GRXCR1: variants seen among roughly 807,000 people sequenced by gnomAD.
The protein encoded by GRXCR1 is glutaredoxin domain-containing cysteine-rich protein 1.
Under a neutral mutation model 27.3 loss-of-function variants are expected in GRXCR1, and 27 were observed. The observed-to-expected ratio is 0.99, with a 90% CI of 0.73 to 1.37. The LOEUF (loss-of-function observed/expected upper bound fraction) is 1.37. GRXCR1 is among the 40% of genes most tolerant of loss of function. The pLI is 0.00. For synonymous variants in GRXCR1, 122 were observed against 131.1 expected (o/e 0.93, Z 0.47); for missense variants, 379 against 354.4 (o/e 1.07, Z -0.56).
At chr4:42,961,517 T>C (rs1247687725) in intron 1 of GRXCR1, among the ~76,000 whole-genome samples, 1 of 151,986 alleles carries the variant, frequency 6.6e-6, no homozygotes, top group Non-Finnish European at 1.5e-5. Flanking sequence ...AACAATTGCC[T>C]AATCTGTGTA....
At chr4:42,905,803 C>T (rs1291500267) in intron 1 of GRXCR1, among the ~76,000 whole-genome samples, 3 of 152,140 alleles carry the variant, frequency 2.0e-5, no homozygotes, top group Admixed American at 2.0e-4. Context: ...TGTGATCGTT[C>T]CTTGTCATTG....
chr4:42,944,955 A>G (rs1747707630), intron 1 of GRXCR1, among the ~76,000 whole-genome samples: 1 of 152,050 alleles, frequency 6.6e-6, no homozygotes, highest in Non-Finnish European at 1.5e-5. Context: ...ATGTTTGTAC[A>G]CTCTCAAAAT....
chr4:43,019,161 T>C (rs969898743), intron 2 of GRXCR1, among the ~76,000 whole-genome samples: 2 of 152,190 alleles, frequency 1.3e-5, no homozygotes, highest in Admixed American at 1.3e-4. Context: ...CAGAAAGCCT[T>C]CTCTACTCTC....
chr4:42,983,191 C>T (rs1394753336), intron 2 of GRXCR1, among the ~76,000 whole-genome samples: 2 of 150,964 alleles, frequency 1.3e-5, no homozygotes, highest in Non-Finnish European at 3.0e-5. Context: ...GGTTTTAGGT[C>T]TAACGTTGAA....
intron 2 of GRXCR1, among the ~76,000 whole-genome samples, chr4:42,987,002 ATGTG>A (rs36224914): frequency 0.013 from 1,771 of 140,846 alleles, 20 homozygotes; most frequent in African/African-American, 0.028. Flanking sequence ...AGATATGTGT[ATGTG>A]TGTGTGTGTG....
chr4:42,964,726 T>C (rs181533796), intron 2 of GRXCR1, among the ~76,000 whole-genome samples: 2 of 152,118 alleles, frequency 1.3e-5, no homozygotes, highest in East Asian at 3.9e-4. Context: ...GCTGGTATAG[T>C]TTTAGGACCA....
chr4:42,895,653 A>C (rs1044981524), intron 1 of GRXCR1, among the ~76,000 whole-genome samples: 12 of 152,104 alleles, frequency 7.9e-5, no homozygotes, highest in African/African-American at 2.9e-4. Flanking sequence ...GTACCCCTTA[A>C]AGTTGTGCAA....
chr4:42,949,823 C>A (rs1427640497), intron 1 of GRXCR1, among the ~76,000 whole-genome samples: 3 of 152,110 alleles, frequency 2.0e-5, no homozygotes, highest in African/African-American at 7.2e-5. Flanking sequence ...GGGGGTTTCC[C>A]TGAGGCTGTG....
intron 1 of GRXCR1, among the ~76,000 whole-genome samples, chr4:42,952,156 A>G (rs971718532): frequency 6.6e-6 from 1 of 152,136 alleles, no homozygotes; most frequent in African/African-American, 2.4e-5. Flanking sequence ...ATTGTTTTTC[A>G]TGATCAGAAT....
intron 2 of GRXCR1, among the ~76,000 whole-genome samples, chr4:42,982,030 C>T (rs950882116): frequency 6.6e-6 from 1 of 150,770 alleles, no homozygotes; most frequent in Non-Finnish European, 1.5e-5. Context: ...AGAGGCTTTC[C>T]ACCCCTTTGT....
chr4:43,014,056 A>C (rs1336641072), intron 2 of GRXCR1, among the ~76,000 whole-genome samples: 5 of 35,206 alleles, frequency 1.4e-4, no homozygotes, highest in Admixed American at 8.3e-4. Context: ...CATAATTGCA[A>C]AAAAAAAAAA....
intron 1 of GRXCR1, among the ~76,000 whole-genome samples, chr4:42,902,316 G>A (rs150743382): frequency 2.1e-3 from 313 of 152,256 alleles, no homozygotes; most frequent in Middle Eastern, 3.4e-3. Context: ...TGATGCGAGA[G>A]TGGTTGTGAT....
At chr4:43,010,905 C>G (rs1712729717) in intron 2 of GRXCR1, among the ~76,000 whole-genome samples, 1 of 152,126 alleles carries the variant, frequency 6.6e-6, no homozygotes. Flanking sequence ...TTATTTCTTA[C>G]ACTGCTACAT....
rs557074603 is a variant in GRXCR1 at position 42,924,673 on chromosome 4, A to G, written c.384+31023A>G. On this transcript the variant is annotated intron_variant, in intron 1 of 3. Coordinates refer to ENST00000399770, the MANE Select transcript of GRXCR1 (RefSeq NM_001080476.3). The stretch of plus-strand genomic sequence containing the variant: ...CTGTGTATACAGCAGAAACTATCCA[A>G]TGTTCCTGCCTGCCCTCCTAGAACT... 3.0e-4 allele frequency among the ~76,000 whole-genome samples: 45 copies of G among 152,216 alleles called. 1 individual carries two copies. The highest frequency in any genetic ancestry group is 2.5e-3 in the Admixed American group (38 of 15,272).
chr4:42,963,068 A>G lies in GRXCR1; in HGVS notation c.561A>G (p.Glu187=), dbSNP rs762311983. Residue 187 remains glutamate (E), a synonymous_variant, in exon 2 of 4, where the codon GAA becomes GAG. Coordinates refer to ENST00000399770, the MANE Select transcript of GRXCR1 (RefSeq NM_001080476.3). ...LNGEYGKELD[E]RCRRVSEAPS... ...GTGAATATGGAAAAGAGTTAGACGA[A>G]CGATGCCGACGAGTTTCTGAAGCTC... 1.2e-6 allele frequency: 2 copies of G among 1,612,862 alleles called. No individual in the cohort carries two copies. The highest frequency in any genetic ancestry group is 1.7e-5 in the Admixed American group (1 of 59,934).
chr4:42,939,295 T>C (rs138945145), intron 1 of GRXCR1, among the ~76,000 whole-genome samples: 2 of 152,136 alleles, frequency 1.3e-5, no homozygotes, highest in East Asian at 3.9e-4. Flanking sequence ...CTTGATTTCT[T>C]TTTCAGATTG....
intron 2 of GRXCR1, among the ~76,000 whole-genome samples, chr4:42,973,918 A>T (rs1008915647): frequency 6.6e-6 from 1 of 152,166 alleles, no homozygotes; most frequent in Non-Finnish European, 1.5e-5. Context: ...ATTAAATATT[A>T]CTAAGGCTAG....
chr4:42,931,426 T>C (rs965290378), intron 1 of GRXCR1, among the ~76,000 whole-genome samples: 1 of 151,942 alleles, frequency 6.6e-6, no homozygotes, highest in Non-Finnish European at 1.5e-5. Context: ...CTGATTTCTT[T>C]AAGTTTTTTG....
At chr4:42,990,170 G>GTTTTTTTTTT (rs1243636449) in intron 2 of GRXCR1, among the ~76,000 whole-genome samples, 1 of 63,450 alleles carries the variant, frequency 1.6e-5, no homozygotes, top group African/African-American at 5.5e-5. Context: ...TGAATTATTA[G>GTTTTTTTTTT]TTCTTTTTTT....
Sources: allele counts gnomAD v4.1 joint callset (sites outside exome capture counted in the v4.1 genomes callset), GRCh38; gene constraint gnomAD v4.1.1; transcripts MANE v1.5; gene names NCBI Gene and HGNC (gene_info 2026-07-23, HGNC 2026-07-21).